WDFY3: variants seen among roughly 807,000 people sequenced by gnomAD.
The protein encoded by WDFY3 is WD repeat and FYVE domain-containing protein 3.
A neutral mutation model predicts 409.6 loss-of-function variants in WDFY3; 66 were observed. The observed-to-expected ratio is 0.16, with a 90% confidence interval of 0.13 to 0.20. The LOEUF (loss-of-function observed/expected upper bound fraction) is 0.20. Ranked by LOEUF, WDFY3 falls within the 10% of genes least tolerant of loss-of-function variation. The pLI, the probability that WDFY3 is intolerant of heterozygous loss-of-function variation, is 1.00. For synonymous variants in WDFY3, 1,521 were observed against 1,537.1 expected (o/e 0.99, Z 0.25); for missense variants, 3,031 against 4,298.1 (o/e 0.71, Z 8.24).
chr4:84,759,067 T>C (rs538640373), intron 32 of WDFY3, among the ~76,000 whole-genome samples: 16 of 152,320 alleles, frequency 1.1e-4, no homozygotes, highest in African/African-American at 3.6e-4. Context: ...GGGAATCCTT[T>C]CCCCATTGCT....
intron 3 of WDFY3, among the ~76,000 whole-genome samples, chr4:84,874,827 G>C (rs1762555025): frequency 6.6e-6 from 1 of 152,096 alleles, no homozygotes; most frequent in Non-Finnish European, 1.5e-5. Flanking sequence ...AGGCAATTTT[G>C]TCTTTGTGCA....
chr4:84,812,787 C>T (rs1358745238), intron 13 of WDFY3, among the ~76,000 whole-genome samples: 1 of 152,088 alleles, frequency 6.6e-6, no homozygotes, highest in Non-Finnish European at 1.5e-5. Flanking sequence ...CTCCTACTTC[C>T]TCAAAACTGG....
intron 2 of WDFY3, among the ~76,000 whole-genome samples, chr4:84,931,610 T>C (rs980872617): frequency 6.6e-5 from 10 of 152,292 alleles, no homozygotes; most frequent in Non-Finnish European, 1.3e-4. Flanking sequence ...GCATTTCTGT[T>C]CTTGGATCCT....
At chr4:84,740,512 C>G in intron 38 of WDFY3, 96 bp from the exon 39 acceptor site, 1 of 1,158,834 alleles carries the variant, frequency 8.6e-7, no homozygotes, top group Non-Finnish European at 1.2e-6. Flanking sequence ...TATTATATAC[C>G]AGATGCCATG....
At chr4:84,801,583 G>T in intron 17 of WDFY3, 67 bp downstream of exon 17, 1 of 1,477,436 alleles carries the variant, frequency 6.8e-7, no homozygotes. Context: ...AGGAATTCTG[G>T]AATCATAAGG....
At chr4:84,796,899 C>T (rs1244380554) in intron 18 of WDFY3, 147 bp from the exon 19 acceptor site, 2 of 641,938 alleles carry the variant, frequency 3.1e-6, no homozygotes, top group East Asian at 2.8e-5. Context: ...TTTTAATGTA[C>T]ATTTACTTTT....
intron 29 of WDFY3, 89 bp from the exon 30 acceptor site, chr4:84,773,018 T>G: frequency 3.9e-6 from 4 of 1,017,342 alleles, no homozygotes; most frequent in Non-Finnish European, 5.5e-6. Flanking sequence ...ATACAAAGAA[T>G]AAAAACCAAA....
intron 3 of WDFY3, among the ~76,000 whole-genome samples, chr4:84,865,097 C>G (rs1174259189): frequency 6.6e-6 from 1 of 152,008 alleles, no homozygotes. Context: ...TCCTGTTGCC[C>G]AGACTGGTCT....
chr4:84,709,884 G>A (rs756741608), intron 51 of WDFY3, among the ~76,000 whole-genome samples: 5 of 152,144 alleles, frequency 3.3e-5, no homozygotes, highest in African/African-American at 7.2e-5. Flanking sequence ...TCGCCACCAC[G>A]CCCAGCTAAT....
chr4:84,707,917 G>A (rs370387948), intron 53 of WDFY3, among the ~76,000 whole-genome samples: 1 of 152,082 alleles, frequency 6.6e-6, no homozygotes, highest in South Asian at 2.1e-4. Context: ...AATTTTCTGA[G>A]GATAGTTTTA....
intron 44 of WDFY3, among the ~76,000 whole-genome samples, chr4:84,728,946 A>T (rs979155180): frequency 2.0e-5 from 3 of 152,116 alleles, no homozygotes; most frequent in African/African-American, 7.2e-5. Context: ...ATTTTTCTAT[A>T]ATGCTGGCAA....
intron 36 of WDFY3, among the ~76,000 whole-genome samples, chr4:84,746,067 G>C (rs990065512): frequency 1.3e-5 from 2 of 151,370 alleles, no homozygotes; most frequent in Admixed American, 1.3e-4. Context: ...CAGTATTTTG[G>C]GAGGCTAAGG....
chr4:84,775,884 A>C (rs1745468092), intron 27 of WDFY3, among the ~76,000 whole-genome samples: 1 of 152,038 alleles, frequency 6.6e-6, no homozygotes, highest in Admixed American at 6.5e-5. Flanking sequence ...TCCTTCAAAA[A>C]GGAAGAAAGA....
At chr4:84,756,210 A>G (rs949657097) in intron 33 of WDFY3, among the ~76,000 whole-genome samples, 2 of 152,172 alleles carry the variant, frequency 1.3e-5, no homozygotes, top group Non-Finnish European at 2.9e-5. Context: ...TGCACTGAGA[A>G]TCCTGTCATA....
chr4:84,674,154 T>C (rs1725869888), intron 67 of WDFY3, among the ~76,000 whole-genome samples: 1 of 152,190 alleles, frequency 6.6e-6, no homozygotes, highest in Non-Finnish European at 1.5e-5. Context: ...AAAGCTTCCA[T>C]CCAACATTTA....
intron 4 of WDFY3, among the ~76,000 whole-genome samples, chr4:84,859,988 A>G (rs2150197889): frequency 6.6e-6 from 1 of 152,374 alleles, no homozygotes; most frequent in South Asian, 2.1e-4. Flanking sequence ...ATCCTCTTAC[A>G]GCATCTCTTA....
intron 19 of WDFY3, 85 bp from the exon 20 acceptor site, chr4:84,795,064 C>T: frequency 1.1e-6 from 1 of 930,786 alleles, no homozygotes. Context: ...AAATAACTGC[C>T]AGTATTTAAT....
chr4:84,732,493 T>C (rs1402613662), intron 44 of WDFY3, among the ~76,000 whole-genome samples: 1 of 152,164 alleles, frequency 6.6e-6, no homozygotes, highest in East Asian at 1.9e-4. Context: ...GATTTCCTCC[T>C]GTTTATCTGA....
intron 36 of WDFY3, 81 bp from the exon 37 acceptor site, chr4:84,743,880 T>C (rs975982200): frequency 1.1e-6 from 1 of 872,742 alleles, no homozygotes; most frequent in Admixed American, 3.2e-5. Context: ...TTACCTAATA[T>C]ATTAAAAAGA....
Sources: gnomAD v4.1 joint callset for allele counts (sites outside exome capture counted in the v4.1 genomes callset) on GRCh38, gnomAD v4.1.1 for gene constraint, MANE v1.5 for transcripts, NCBI Gene and HGNC (gene_info 2026-07-23, HGNC 2026-07-21) for gene names.